Variants in CHIC1 observed in about 807,000 individuals in gnomAD.
The protein encoded by CHIC1 is cysteine-rich hydrophobic domain-containing protein 1.
In CHIC1, 7 loss-of-function variants were observed where a neutral mutation model predicts 18.5. The ratio of observed to expected loss-of-function variants is 0.38; its 90% CI spans 0.22 to 0.71. The LOEUF (loss-of-function observed/expected upper bound fraction) is 0.71, where lower values mean the gene tolerates loss of function less well. Ranked by LOEUF, CHIC1 falls within the 30% of genes least tolerant of loss-of-function variation. The pLI, the probability that CHIC1 is intolerant of heterozygous loss-of-function variation, is 0.49. For missense variants in CHIC1, 159 were observed against 176.9 expected (o/e 0.90, Z 0.57); for synonymous variants, 77 against 73.5 (o/e 1.05, Z -0.25).
In CHIC1 at chrX:73,681,524, T is replaced by C. The variant is rs2058099357; in HGVS notation, c.*519T>C. 1 of 112,635 alleles carries C rather than the reference T, an allele frequency of 8.9e-6. No individual in the cohort carries two copies. Among genetic ancestry groups the C allele is most frequent in the Non-Finnish European group, 1.9e-5 (1 of 53,090 alleles). 9.3% of individuals were successfully genotyped at this position (112,635 alleles called of 1,213,427 possible). A position where few individuals can be genotyped will look rare whatever the true frequency, so the allele number is the denominator to read the frequency against. On this transcript the variant is annotated 3_prime_UTR_variant, in exon 6 of 6. Coordinates refer to ENST00000373502, the MANE Select transcript of CHIC1 (RefSeq NM_001039840.4). ...GTCCTGCACTTTGCTTTATCACTTATGTTAGTGGATAAAATATTTAAACTC... is the reference window on the plus strand; with the variant it reads ...GTCCTGCACTTTGCTTTATCACTTACGTTAGTGGATAAAATATTTAAACTC...
At chrX:73,629,095 A>G (rs1394873611) in intron 3 of CHIC1, among the ~76,000 whole-genome samples, 2 of 111,587 alleles carry the variant, frequency 1.8e-5, no homozygotes, top group Non-Finnish European at 3.8e-5. Context: ...GCACGTTTTC[A>G]TATACCTGTT....
chrX:73,565,415 C>G (rs2057440392), intron 1 of CHIC1, among the ~76,000 whole-genome samples: 1 of 112,022 alleles, frequency 8.9e-6, no homozygotes, highest in Non-Finnish European at 1.9e-5. Flanking sequence ...AACACTGACA[C>G]TTGCCATGCC....
chrX:73,646,322 T>C (rs1191982422), intron 3 of CHIC1, among the ~76,000 whole-genome samples: 1 of 112,338 alleles, frequency 8.9e-6, no homozygotes, highest in African/African-American at 3.2e-5. Flanking sequence ...TATTTTGAAA[T>C]CAGGTAGTGT....
intron 2 of CHIC1, among the ~76,000 whole-genome samples, chrX:73,579,507 T>G (rs1038897720): frequency 9.0e-6 from 1 of 110,685 alleles, no homozygotes; most frequent in African/African-American, 3.3e-5. Context: ...AGAGAATACA[T>G]TATTATTCTC....
intron 3 of CHIC1, among the ~76,000 whole-genome samples, chrX:73,651,497 A>G (rs1035965672): frequency 4.5e-5 from 5 of 111,308 alleles, no homozygotes; most frequent in African/African-American, 1.6e-4. Context: ...CTCAGCCACA[A>G]AACTTCTTAA....
intron 3 of CHIC1, among the ~76,000 whole-genome samples, chrX:73,597,235 A>G (rs1035197045): frequency 9.0e-6 from 1 of 111,549 alleles, no homozygotes; most frequent in Admixed American, 9.5e-5. Context: ...TTCCCTCATG[A>G]TTAGTGATAT....
At chrX:73,641,732 T>C (rs746956487) in intron 3 of CHIC1, among the ~76,000 whole-genome samples, 63 of 108,672 alleles carry the variant, frequency 5.8e-4, no homozygotes, top group Admixed American at 2.8e-3. Context: ...TGTGTTCTCA[T>C]TGTTCAGTTC....
intron 3 of CHIC1, among the ~76,000 whole-genome samples, chrX:73,589,370 T>G (rs1038495324): frequency 1.8e-5 from 2 of 110,879 alleles, no homozygotes; most frequent in Non-Finnish European, 3.8e-5. Flanking sequence ...TTTAATTGAG[T>G]TTTTTACTGT....
chrX:73,664,415 TTG>T (rs2057994823), intron 3 of CHIC1, among the ~76,000 whole-genome samples: 1 of 110,861 alleles, frequency 9.0e-6, no homozygotes, highest in South Asian at 3.9e-4. Context: ...TATTTTGGCT[TTG>T]TGTGTTTTAG....
At position 73,606,445 on chromosome X, in the gene CHIC1, C is replaced by T. The variant is rs750190122; in HGVS notation, c.507+21873C>T. On this transcript the variant is annotated intron_variant, in intron 3 of 5. Transcript: ENST00000373502. ...GTTAGAATATGCTCCTTTAGCTCAG[C>T]GGAGTTTGTTGTTACCCACCTTCTG... Among the ~76,000 whole-genome samples, 3 of 106,778 alleles carry T rather than the reference C, an allele frequency of 2.8e-5. 1 individual carries two copies. The highest frequency in any genetic ancestry group is 1.0e-4 in the Admixed American group (1 of 10,010). The allele number at this position is 106,778 out of a possible 115,157, so 92.7% of individuals were successfully genotyped here.
At chrX:73,614,865 T>C (rs1044398689) in intron 3 of CHIC1, among the ~76,000 whole-genome samples, 1 of 110,979 alleles carries the variant, frequency 9.0e-6, no homozygotes, top group African/African-American at 3.3e-5. Context: ...TCCAAGTTTT[T>C]ATAAATTTCT....
intron 3 of CHIC1, among the ~76,000 whole-genome samples, chrX:73,674,838 T>G: frequency 9.0e-6 from 1 of 111,581 alleles, no homozygotes; most frequent in South Asian, 3.8e-4. Context: ...GGGTGTCAAT[T>G]TTGGATCTTT....
intron 3 of CHIC1, among the ~76,000 whole-genome samples, chrX:73,617,572 A>G (rs1223193731): frequency 8.9e-6 from 1 of 112,071 alleles, no homozygotes; most frequent in Non-Finnish European, 1.9e-5. Flanking sequence ...TCACAGTTCT[A>G]CATGGCTAGG....
intron 1 of CHIC1, among the ~76,000 whole-genome samples, chrX:73,564,571 A>G (rs1444536472): frequency 9.0e-6 from 1 of 111,176 alleles, no homozygotes; most frequent in Non-Finnish European, 1.9e-5. Flanking sequence ...TGCTTGGACC[A>G]TAACTATTTG....
chrX:73,596,355 C>T (rs1260094796), intron 3 of CHIC1, among the ~76,000 whole-genome samples: 1 of 111,097 alleles, frequency 9.0e-6, no homozygotes, highest in African/African-American at 3.3e-5. Flanking sequence ...GAGCTACAAA[C>T]CACTCCTCAA....
chrX:73,657,782 G>A (rs921860870), intron 3 of CHIC1, among the ~76,000 whole-genome samples: 12 of 110,091 alleles, frequency 1.1e-4, no homozygotes, highest in African/African-American at 3.3e-4. Context: ...TCATTTTGAG[G>A]TATATTCCTT....
chrX:73,676,185 T>G (rs201796751), intron 3 of CHIC1, among the ~76,000 whole-genome samples: 4 of 109,189 alleles, frequency 3.7e-5, no homozygotes, highest in Admixed American at 9.7e-5. Context: ...CGTTTCAACT[T>G]TGGTGAATCT....
rs775665727 is a variant in CHIC1, at chrX:73,567,929, CT to C, written c.296+4356del. 1.7e-4 allele frequency among the ~76,000 whole-genome samples: 19 copies of C among 110,725 alleles called. No homozygotes were observed. In the East Asian group the frequency reaches 5.1e-3, roughly 30 times the overall value. ...TATGTCACCACCTTCTGCAAGTCTT[CT>C]TTTTTTCCACTAAATTGTAAATTGC... On this transcript the variant is annotated intron_variant, in intron 1 of 5. Coordinates refer to ENST00000373502, the MANE Select transcript of CHIC1 (RefSeq NM_001039840.4).
chrX:73,625,816 G>A (rs984950766), intron 3 of CHIC1, among the ~76,000 whole-genome samples: 3 of 110,760 alleles, frequency 2.7e-5, no homozygotes, highest in South Asian at 3.9e-4. Flanking sequence ...TTTAAGAGGG[G>A]CCTTTAACCC....
Sources: allele counts gnomAD v4.1 joint callset (sites outside exome capture counted in the v4.1 genomes callset), GRCh38; gene constraint gnomAD v4.1.1; transcripts MANE v1.5; gene names NCBI Gene and HGNC (gene_info 2026-07-23, HGNC 2026-07-21).